The following KCNH8 variants were observed in gnomAD, a reference collection of about 807,000 sequenced individuals.
KCNH8 encodes the protein voltage-gated delayed rectifier potassium channel KCNH8.
In KCNH8, 70 loss-of-function variants were observed where a neutral mutation model predicts 103.6. The observed-to-expected ratio is 0.68, with a 90% CI of 0.56 to 0.82. The LOEUF (loss-of-function observed/expected upper bound fraction) is 0.82. Among genes scored for constraint, KCNH8 ranks in the 40% least tolerant of loss-of-function variants. KCNH8 has a pLI of 0.00. For missense variants in KCNH8, 1,217 were observed against 1,329.9 expected, an observed-to-expected ratio of 0.92 and a Z score of 1.32; for synonymous variants, 498 against 489.4, an observed-to-expected ratio of 1.02 and a Z score of -0.23.
At chr3:19,234,612 C>G (rs944056256) in intron 1 of KCNH8, among the ~76,000 whole-genome samples, 1 of 151,736 alleles carries the variant, frequency 6.6e-6, no homozygotes, top group Non-Finnish European at 1.5e-5. Context: ...GGTTCCCGCC[C>G]GCGCTTCTCC....
At chr3:19,467,989 C>A (rs2067778087) in intron 11 of KCNH8, among the ~76,000 whole-genome samples, 1 of 152,092 alleles carries the variant, frequency 6.6e-6, no homozygotes, top group Non-Finnish European at 1.5e-5. Context: ...TGCCTCAGGG[C>A]CTTTGCATTT....
chr3:19,170,148 T>C (rs913056245), intron 1 of KCNH8, among the ~76,000 whole-genome samples: 1 of 152,174 alleles, frequency 6.6e-6, no homozygotes, highest in Non-Finnish European at 1.5e-5. Context: ...ATGGCATCAT[T>C]CACATTTTAC....
chr3:19,413,832 T>C (rs1455197324), intron 7 of KCNH8, among the ~76,000 whole-genome samples: 2 of 152,104 alleles, frequency 1.3e-5, no homozygotes, highest in Non-Finnish European at 2.9e-5. Context: ...AAAACAACTC[T>C]TGTTGCAGCC....
At chr3:19,195,894 A>G (rs1395428495) in intron 1 of KCNH8, among the ~76,000 whole-genome samples, 1 of 151,980 alleles carries the variant, frequency 6.6e-6, no homozygotes, top group Non-Finnish European at 1.5e-5. Context: ...TCCTCCAGCT[A>G]AGATCTTTCC....
At chr3:19,419,923 G>C (rs1000864368) in intron 7 of KCNH8, among the ~76,000 whole-genome samples, 4 of 151,988 alleles carry the variant, frequency 2.6e-5, no homozygotes, top group Non-Finnish European at 4.4e-5. Flanking sequence ...ATTTGCCTTT[G>C]GCTTGACAGC....
chr3:19,510,888 A>G (rs537737333), intron 12 of KCNH8, among the ~76,000 whole-genome samples: 2 of 152,344 alleles, frequency 1.3e-5, no homozygotes, highest in South Asian at 4.1e-4. Context: ...TTTATTACCA[A>G]TAATCCTGTG....
chr3:19,301,049 A>G (rs1000911925), intron 3 of KCNH8, among the ~76,000 whole-genome samples: 27 of 151,638 alleles, frequency 1.8e-4, no homozygotes, highest in Middle Eastern at 6.8e-3. Context: ...AATCCTCTCA[A>G]TAACCCTGTG....
intron 3 of KCNH8, among the ~76,000 whole-genome samples, chr3:19,302,398 T>C (rs958565157): frequency 1.3e-5 from 2 of 152,188 alleles, no homozygotes; most frequent in Non-Finnish European, 2.9e-5. Flanking sequence ...TCTTTGTAAA[T>C]TTTAGTAAAT....
chr3:19,297,202 A>G lies in KCNH8; in HGVS notation c.442+15873A>G, dbSNP rs1231308504. 2.6e-5 allele frequency among the ~76,000 whole-genome samples: 4 copies of G among 152,204 alleles called. No individual in the cohort carries two copies. The East Asian group carries it at 7.7e-4, about 29-fold the overall frequency. ...AAGGGAAGAATAGGGCAAAGCTCTT[A>G]TCACATTGGAACACATTTTTGAGAA... On this transcript the variant is annotated intron_variant, in intron 3 of 15. Transcript: ENST00000328405.
intron 11 of KCNH8, among the ~76,000 whole-genome samples, chr3:19,471,737 C>T (rs188949304): frequency 6.6e-6 from 1 of 152,104 alleles, no homozygotes; most frequent in African/African-American, 2.4e-5. Flanking sequence ...GAATTTAAGT[C>T]CCAAACCACC....
At chr3:19,325,597 C>G (rs939242197) in intron 3 of KCNH8, among the ~76,000 whole-genome samples, 4 of 152,174 alleles carry the variant, frequency 2.6e-5, no homozygotes, top group Non-Finnish European at 5.9e-5. Context: ...CTCAACATCA[C>G]TTATCATTAG....
chr3:19,449,908 A>T (rs554639026), intron 8 of KCNH8, among the ~76,000 whole-genome samples, 198 bp from the exon 9 acceptor site: 5 of 152,236 alleles, frequency 3.3e-5, no homozygotes, highest in Non-Finnish European at 7.4e-5. Context: ...AGCCATATGG[A>T]ATCAAAGTGA....
intron 4 of KCNH8, chr3:19,346,707 G>A (rs2125319488): frequency 2.2e-6 from 1 of 456,270 alleles, no homozygotes; most frequent in African/African-American, 2.0e-5. Flanking sequence ...CAATGAGTGA[G>A]ACAAGAACAC....
At chr3:19,244,743 A>G (rs1302148951) in intron 1 of KCNH8, among the ~76,000 whole-genome samples, 1 of 151,704 alleles carries the variant, frequency 6.6e-6, no homozygotes, top group African/African-American at 2.4e-5. Context: ...ATTTTTTCAT[A>G]TTTTTATTGG....
At chr3:19,436,867 A>G (rs2067207014) in intron 7 of KCNH8, among the ~76,000 whole-genome samples, 2 of 152,200 alleles carry the variant, frequency 1.3e-5, no homozygotes, top group South Asian at 4.1e-4. Flanking sequence ...AAAACAACCA[A>G]ATAAATTCTT....
At chr3:19,487,520 G>A (rs2068235418) in intron 11 of KCNH8, among the ~76,000 whole-genome samples, 1 of 152,134 alleles carries the variant, frequency 6.6e-6, no homozygotes, top group Admixed American at 6.5e-5. Flanking sequence ...GAGCTTCTCT[G>A]GGAACCGGAT....
chr3:19,501,286 T>C (rs1257161104), intron 11 of KCNH8, among the ~76,000 whole-genome samples: 4 of 152,122 alleles, frequency 2.6e-5, no homozygotes, highest in Non-Finnish European at 5.9e-5. Context: ...CAATAATCAA[T>C]AGCTTACCAA....
intron 3 of KCNH8, among the ~76,000 whole-genome samples, chr3:19,289,727 G>A (rs570337222): frequency 9.2e-5 from 14 of 152,152 alleles, no homozygotes; most frequent in South Asian, 2.1e-4. Context: ...TTGGCAACTC[G>A]GGCTCTTTTT....
At chr3:19,162,932 A>G (rs1575405521) in intron 1 of KCNH8, among the ~76,000 whole-genome samples, 1 of 152,100 alleles carries the variant, frequency 6.6e-6, no homozygotes, top group African/African-American at 2.4e-5. Context: ...AATATCCTGT[A>G]TATAGCAAAA....
Sources: allele counts gnomAD v4.1 joint callset (sites outside exome capture counted in the v4.1 genomes callset), GRCh38; gene constraint gnomAD v4.1.1; transcripts MANE v1.5; gene names NCBI Gene and HGNC (gene_info 2026-07-23, HGNC 2026-07-21).